Variants in IGDCC3 observed in about 807,000 individuals in gnomAD.
IGDCC3 encodes the protein immunoglobulin superfamily DCC subclass member 3, also known as putative neuronal cell adhesion molecule.
Under a neutral mutation model 72.0 loss-of-function variants are expected in IGDCC3, and 47 were observed. The observed-to-expected ratio is 0.65, with a 90% CI of 0.52 to 0.83. The LOEUF is 0.83. Ranked by LOEUF, IGDCC3 falls within the 40% of genes least tolerant of loss-of-function variation. IGDCC3 has a pLI of 0.00. For synonymous variants in IGDCC3, 477 were observed against 472.8 expected, an observed-to-expected ratio of 1.01 and a Z score of -0.11; for missense variants, 1,038 against 1,091.3, an observed-to-expected ratio of 0.95 and a Z score of 0.69.
intron 5 of IGDCC3, among the ~76,000 whole-genome samples, chr15:65,334,161 C>A (rs766875185): frequency 5.3e-5 from 8 of 152,214 alleles, no homozygotes; most frequent in Non-Finnish European, 1.2e-4. Context: ...TGCCCCACCC[C>A]ACCCCCTCCA....
Sources: gnomAD v4.1 joint callset for allele counts (sites outside exome capture counted in the v4.1 genomes callset) on GRCh38, gnomAD v4.1.1 for gene constraint, MANE v1.5 for transcripts, NCBI Gene and HGNC (gene_info 2026-07-23, HGNC 2026-07-21) for gene names.